The following MACROD1 variants were observed in gnomAD, a reference collection of about 807,000 sequenced individuals.
MACROD1 encodes mono-ADP ribosylhydrolase 1, also known as ADP-ribose glycohydrolase MACROD1.
MACROD1 carries 31 observed loss-of-function variants against 41.4 expected under a neutral mutation model. The observed-to-expected ratio is 0.75, with a 90% CI of 0.56 to 1.01. The LOEUF is 1.01. Among genes scored for constraint, MACROD1 ranks in the 50% least tolerant of loss-of-function variants. The pLI is 0.00. For missense variants in MACROD1, 473 were observed against 460.0 expected, an observed-to-expected ratio of 1.03 and a Z score of -0.26; for synonymous variants, 252 against 203.4, an observed-to-expected ratio of 1.24 and a Z score of -2.03.
chr11:64,108,768 T>C (rs553950586), intron 3 of MACROD1, among the ~76,000 whole-genome samples: 5 of 152,268 alleles, frequency 3.3e-5, no homozygotes, highest in East Asian at 3.9e-4. Context: ...ACATGAATTA[T>C]TGCTGAAGGG....
At chr11:64,092,538 C>T (rs1447469844) in intron 3 of MACROD1, among the ~76,000 whole-genome samples, 1 of 152,198 alleles carries the variant, frequency 6.6e-6, no homozygotes, top group Non-Finnish European at 1.5e-5. Context: ...GCTCAGAGAC[C>T]GCGTGTGGTC....
chr11:64,095,977 C>A (rs576196856), intron 3 of MACROD1, among the ~76,000 whole-genome samples: 2 of 34,324 alleles, frequency 5.8e-5, no homozygotes, highest in African/African-American at 1.1e-4. Flanking sequence ...GTGGTCCCCC[C>A]ACCCCCCAGG....
Position 64,041,199 on chromosome 11 carries a change from T to TAAAAAAAAAA in MACROD1, c.518-25928_518-25919dup, listed in dbSNP as rs71045724. On this transcript the variant is annotated intron_variant, in intron 3 of 10. Transcript: ENST00000255681. Reference sequence around the variant, plus strand: ...AGATTACAACAGATTTAGCAAACTGTAAAAAAAAAAAAAAAAAAAAAAAAA... The same window carrying TAAAAAAAAAA: ...AGATTACAACAGATTTAGCAAACTGTAAAAAAAAAAAAAAAAAAAAAAAAAAAAAAAAAAA... Among the ~76,000 whole-genome samples the TAAAAAAAAAA allele has an allele frequency of 1.2e-3, 26 of 21,606 alleles. 3 individuals carry two copies. The highest frequency in any genetic ancestry group is 2.4e-3 in the African/African-American group (15 of 6,210). The allele number at this position is 21,606 out of a possible 152,430, so 14.2% of individuals were successfully genotyped here.
intron 3 of MACROD1, among the ~76,000 whole-genome samples, chr11:64,114,214 G>A (rs1944924111): frequency 6.6e-6 from 1 of 151,304 alleles, no homozygotes; most frequent in Non-Finnish European, 1.5e-5. Flanking sequence ...ATGGATGGAT[G>A]GATGAATGGA....
At chr11:64,087,730 T>C (rs1944419269) in intron 3 of MACROD1, among the ~76,000 whole-genome samples, 1 of 152,212 alleles carries the variant, frequency 6.6e-6, no homozygotes, top group South Asian at 2.1e-4. Flanking sequence ...TTGTGGTCCC[T>C]CACCCTGTCC....
In MACROD1 at chr11:63,999,170, AC is replaced by A. The variant is rs971826615; in HGVS notation, c.892-135del. 350 of 1,302,348 alleles carry A rather than the reference AC, an allele frequency of 2.7e-4. 1 individual carries two copies. The highest frequency in any genetic ancestry group is 3.5e-4 in the Non-Finnish European group (329 of 953,108). The allele number at this position is 1,302,348 out of a possible 1,614,324, so 80.7% of individuals were successfully genotyped here. Reference sequence around the variant, plus strand: ...CGGAGGCTCACGGCTGTGTGCCATCACCCCCATCTCGCCACCGCCAGGCGCC... The same window carrying A: ...CGGAGGCTCACGGCTGTGTGCCATCACCCCATCTCGCCACCGCCAGGCGCC... On this transcript the variant is annotated intron_variant, in intron 8 of 10. Coordinates refer to ENST00000255681, the MANE Select transcript of MACROD1 (RefSeq NM_014067.4).
chr11:64,005,507 C>G (rs1293507177), intron 4 of MACROD1, among the ~76,000 whole-genome samples: 1 of 152,180 alleles, frequency 6.6e-6, no homozygotes, highest in Non-Finnish European at 1.5e-5. Context: ...GGAAGGGGGG[C>G]CTGGGCAAGG....
chr11:64,095,049 T>A (rs1446421734), intron 3 of MACROD1, among the ~76,000 whole-genome samples: 1 of 152,084 alleles, frequency 6.6e-6, no homozygotes, highest in African/African-American at 2.4e-5. Flanking sequence ...CCTGCTTCTC[T>A]CCTTAAGGCA....
intron 3 of MACROD1, among the ~76,000 whole-genome samples, chr11:64,115,092 G>A (rs748397364): frequency 5.3e-5 from 8 of 152,156 alleles, no homozygotes; most frequent in East Asian, 1.9e-4. Context: ...TTCAGGTTCC[G>A]AGAGGCCATC....
At chr11:64,116,259 C>A in intron 3 of MACROD1, 1 of 1,591,534 alleles carries the variant, frequency 6.3e-7, no homozygotes, top group Non-Finnish European at 8.5e-7. Flanking sequence ...ACGCCCCCAG[C>A]CATCCACCAT....
intron 3 of MACROD1, among the ~76,000 whole-genome samples, chr11:64,019,013 C>T (rs1032472886): frequency 1.3e-5 from 2 of 152,170 alleles, no homozygotes; most frequent in East Asian, 3.9e-4. Context: ...GGCCTTTGAA[C>T]GCCATGTGGG....
At chr11:64,061,384 T>C (rs1198080094) in intron 3 of MACROD1, among the ~76,000 whole-genome samples, 1 of 152,170 alleles carries the variant, frequency 6.6e-6, no homozygotes, top group African/African-American at 2.4e-5. Flanking sequence ...GCAAGAGGAA[T>C]GGGCTTGGCC....
At chr11:63,999,210 A>G (rs1942772163) in intron 8 of MACROD1, 121 bp downstream of exon 8, 2 of 1,397,004 alleles carry the variant, frequency 1.4e-6, no homozygotes, top group Non-Finnish European at 1.9e-6. Context: ...GCGCAGGAGA[A>G]ACAGGGAAGG....
chr11:64,010,905 G>A (rs1159874673), intron 4 of MACROD1, among the ~76,000 whole-genome samples: 1 of 145,032 alleles, frequency 6.9e-6, no homozygotes, highest in Non-Finnish European at 1.5e-5. Flanking sequence ...CTGGCATGTT[G>A]GTTGGGGTGT....
At chr11:64,060,673 C>T (rs1435225385) in intron 3 of MACROD1, 1 of 142,212 alleles carries the variant, frequency 7.0e-6, no homozygotes, top group East Asian at 2.0e-4. Flanking sequence ...CTGCGCTTCT[C>T]TTTAGTTCAT....
chr11:64,088,308 C>T (rs1054205679), intron 3 of MACROD1, among the ~76,000 whole-genome samples: 3 of 152,086 alleles, frequency 2.0e-5, no homozygotes, highest in Non-Finnish European at 2.9e-5. Context: ...TCACTAGGCT[C>T]GGTGGCCAGG....
chr11:63,999,134 T>C (rs1038237892), intron 8 of MACROD1, 98 bp from the exon 9 acceptor site: 10 of 1,363,540 alleles, frequency 7.3e-6, no homozygotes, highest in Non-Finnish European at 9.9e-6. Context: ...TGCCTGGCCC[T>C]GCGCCCTTCA....
intron 3 of MACROD1, among the ~76,000 whole-genome samples, chr11:64,140,258 C>T (rs1392486233): frequency 3.9e-5 from 6 of 152,250 alleles, no homozygotes; most frequent in Non-Finnish European, 8.8e-5. Context: ...TCCATGTGAC[C>T]ACACATCTTT....
chr11:64,136,504 C>T (rs1945334711), intron 3 of MACROD1, among the ~76,000 whole-genome samples: 1 of 152,194 alleles, frequency 6.6e-6, no homozygotes, highest in Admixed American at 6.5e-5. Context: ...AGTATGAGGG[C>T]AAGGTCCAGA....
Sources: allele counts gnomAD v4.1 joint callset (sites outside exome capture counted in the v4.1 genomes callset), GRCh38; gene constraint gnomAD v4.1.1; transcripts MANE v1.5; gene names NCBI Gene and HGNC (gene_info 2026-07-23, HGNC 2026-07-21).